The following UBE2J1 variants were observed in gnomAD, a reference collection of about 807,000 sequenced individuals.
UBE2J1 encodes the protein ubiquitin-conjugating enzyme E2 J1.
A neutral mutation model predicts 42.1 loss-of-function variants in UBE2J1; 17 were observed. The ratio of observed to expected loss-of-function variants is 0.40; its 90% CI spans 0.28 to 0.61. UBE2J1 has a LOEUF of 0.61. Ranked by LOEUF, UBE2J1 falls within the 20% of genes least tolerant of loss-of-function variation. The probability of loss-of-function intolerance (pLI) is 0.38; values close to 1 mark genes in which losing one functional copy is unlikely to be tolerated. For synonymous variants in UBE2J1, 127 were observed against 137.2 expected (o/e 0.93, Z 0.52); for missense variants, 291 against 389.4 (o/e 0.75, Z 2.13).
intron 3 of UBE2J1, among the ~76,000 whole-genome samples, chr6:89,340,542 T>C (rs895512700): frequency 2.0e-5 from 3 of 152,228 alleles, no homozygotes; most frequent in Admixed American, 6.5e-5. Context: ...AAGCAGCTTC[T>C]ATATGTCAGG....
intron 2 of UBE2J1, 84 bp from the exon 3 acceptor site, chr6:89,342,539 C>T: frequency 7.6e-7 from 1 of 1,316,356 alleles, no homozygotes; most frequent in Non-Finnish European, 1.0e-6. Flanking sequence ...TATTACCAAG[C>T]AAGAAAAATT....
At chr6:89,331,140 T>C (rs903189834) in intron 7 of UBE2J1, among the ~76,000 whole-genome samples, 2 of 152,356 alleles carry the variant, frequency 1.3e-5, no homozygotes, top group East Asian at 1.9e-4. Context: ...ATAGCTTATC[T>C]GGGATTTGAT....
At chr6:89,352,211 T>C (rs1768497588) in intron 1 of UBE2J1, among the ~76,000 whole-genome samples, 1 of 150,634 alleles carries the variant, frequency 6.6e-6, no homozygotes, top group Non-Finnish European at 1.5e-5. Flanking sequence ...AGCGAGGGGG[T>C]TGATGACTAT....
In UBE2J1 at chr6:89,326,712, A is replaced by G. The variant is rs945628155; in HGVS notation, c.*2967T>C. ...AGGCGTTCCCAACAGCTTTTGAGCA[A>G]TGCACAGCCTCCCATAAAACCTTAA... On this transcript the variant is annotated 3_prime_UTR_variant, in exon 8 of 8. Coordinates refer to ENST00000435041, the MANE Select transcript of UBE2J1 (RefSeq NM_016021.3). 2 of 152,226 alleles carry G rather than the reference A, an allele frequency of 1.3e-5. No individual in the cohort carries two copies. The highest frequency in any genetic ancestry group is 2.4e-5 in the African/African-American group (1 of 41,456). The allele number at this position is 152,226 out of a possible 1,614,324, so 9.4% of individuals were successfully genotyped here.
rs182427096 is a variant in UBE2J1, at chr6:89,352,262, G to A, written c.31+277C>T. Among the ~76,000 whole-genome samples the A allele has an allele frequency of 2.3e-3, 353 of 152,342 alleles. 1 individual carries two copies. The highest frequency in any genetic ancestry group is 3.8e-3 in the Non-Finnish European group (260 of 68,026). On this transcript the variant is annotated intron_variant, in intron 1 of 7. Transcript: ENST00000435041. ...CCTTTACACCTGTTCTCAGGGATGA[G>A]TTTCTGACCCAGCTCTACGGGACCA...
At chr6:89,348,220 G>A (rs1016969774) in intron 1 of UBE2J1, among the ~76,000 whole-genome samples, 1 of 152,190 alleles carries the variant, frequency 6.6e-6, no homozygotes, top group Admixed American at 6.5e-5. Flanking sequence ...GATGTGCCAG[G>A]AAAGGAAGGG....
intron 7 of UBE2J1, 109 bp from the exon 8 acceptor site, chr6:89,330,066 C>T: frequency 1.9e-6 from 2 of 1,041,114 alleles, no homozygotes; most frequent in South Asian, 1.4e-5. Context: ...TGACTAAGGG[C>T]AACACTACCA....
At chr6:89,346,489 T>C (rs1443201376) in intron 1 of UBE2J1, among the ~76,000 whole-genome samples, 1 of 152,108 alleles carries the variant, frequency 6.6e-6, no homozygotes, top group African/African-American at 2.4e-5. Flanking sequence ...GAACACACTT[T>C]ACCTCCCCTC....
At chr6:89,343,981 A>C (rs1388731560) in intron 1 of UBE2J1, among the ~76,000 whole-genome samples, 1 of 152,040 alleles carries the variant, frequency 6.6e-6, no homozygotes, top group African/African-American at 2.4e-5. Flanking sequence ...TAGTGAAGAC[A>C]CTATTTTTAT....
At chr6:89,348,145 T>C (rs1458809353) in intron 1 of UBE2J1, among the ~76,000 whole-genome samples, 1 of 152,222 alleles carries the variant, frequency 6.6e-6, no homozygotes, top group East Asian at 1.9e-4. Context: ...GAAACTTTTA[T>C]TCCAGCTCCT....
chr6:89,333,622 A>C (rs533378336), intron 6 of UBE2J1, among the ~76,000 whole-genome samples: 52 of 152,328 alleles, frequency 3.4e-4, no homozygotes, highest in South Asian at 2.1e-4. Context: ...AGAAATCCTA[A>C]TGGATTTGAT....
At chr6:89,340,900 CGA>C (rs1423746030) in intron 3 of UBE2J1, among the ~76,000 whole-genome samples, 1 of 151,442 alleles carries the variant, frequency 6.6e-6, no homozygotes, top group African/African-American at 2.4e-5. Context: ...CTCAGCCTCC[CGA>C]GTAGCTGGGA....
chr6:89,344,697 C>T (rs1768325160), intron 1 of UBE2J1, among the ~76,000 whole-genome samples: 2 of 152,358 alleles, frequency 1.3e-5, no homozygotes, highest in South Asian at 4.1e-4. Context: ...CCACATTTCT[C>T]TAGTAGGCCT....
At chr6:89,343,024 A>G (rs530531985) in intron 2 of UBE2J1, among the ~76,000 whole-genome samples, 85 of 152,314 alleles carry the variant, frequency 5.6e-4, no homozygotes, top group Non-Finnish European at 9.0e-4. Flanking sequence ...ACAAATGAGA[A>G]GACTGAGAGA....
At chr6:89,350,687 A>G (rs1271126626) in intron 1 of UBE2J1, among the ~76,000 whole-genome samples, 6 of 152,176 alleles carry the variant, frequency 3.9e-5, no homozygotes, top group Non-Finnish European at 5.9e-5. Flanking sequence ...CCAAAGCTCA[A>G]CCAGCTGACA....
chr6:89,335,673 A>G (rs1325274595), intron 5 of UBE2J1, among the ~76,000 whole-genome samples: 1 of 152,206 alleles, frequency 6.6e-6, no homozygotes, highest in Non-Finnish European at 1.5e-5. Context: ...CCAATAAACT[A>G]TCTAAAGAAA....
intron 1 of UBE2J1, among the ~76,000 whole-genome samples, chr6:89,344,915 T>C (rs749712820): frequency 1.3e-5 from 2 of 152,230 alleles, no homozygotes; most frequent in East Asian, 1.9e-4. Flanking sequence ...TCCTTTGATA[T>C]GCACTCTGGA....
intron 3 of UBE2J1, among the ~76,000 whole-genome samples, chr6:89,339,016 C>T (rs1416669798): frequency 6.6e-6 from 1 of 151,940 alleles, no homozygotes; most frequent in African/African-American, 2.4e-5. Flanking sequence ...ATTTTTTGTC[C>T]TTATAGACTC....
At chr6:89,337,977 G>A (rs1433907348) in intron 5 of UBE2J1, among the ~76,000 whole-genome samples, 2 of 152,076 alleles carry the variant, frequency 1.3e-5, no homozygotes. Flanking sequence ...TAGTGAAATA[G>A]TATCAACTAC....
Sources: gnomAD v4.1 joint callset for allele counts (sites outside exome capture counted in the v4.1 genomes callset) on GRCh38, gnomAD v4.1.1 for gene constraint, MANE v1.5 for transcripts, NCBI Gene and HGNC (gene_info 2026-07-23, HGNC 2026-07-21) for gene names.